PRKD3: variants seen among roughly 807,000 people sequenced by gnomAD.
The protein encoded by PRKD3 is serine/threonine-protein kinase D3.
A neutral mutation model predicts 99.2 loss-of-function variants in PRKD3; 47 were observed. That is an observed-to-expected ratio of 0.47 (90% CI 0.38 to 0.60). The LOEUF (loss-of-function observed/expected upper bound fraction) is 0.60. Among genes scored for constraint, PRKD3 ranks in the 20% least tolerant of loss-of-function variants. The pLI is 0.00. For missense variants in PRKD3, 1,019 were observed against 1,088.4 expected (o/e 0.94, Z 0.90); for synonymous variants, 392 against 355.4 (o/e 1.10, Z -1.16).
chr2:37,309,619 G>T (rs1313005390), intron 2 of PRKD3, among the ~76,000 whole-genome samples: 1 of 152,146 alleles, frequency 6.6e-6, no homozygotes, highest in East Asian at 1.9e-4. Context: ...GGAGGCCAAG[G>T]CTGGCAGATC....
Position 37,282,598 on chromosome 2 carries a change from T to A in PRKD3, c.932A>T (p.Lys311Ile). 1 of 1,601,686 alleles carries A rather than the reference T, an allele frequency of 6.2e-7. No individual in the cohort carries two copies. The highest frequency in any genetic ancestry group is 8.6e-7 in the Non-Finnish European group (1 of 1,168,792). Reference sequence around the variant, plus strand: ...TCTTGGTACTTTTGATGCACAGCGTTTATGGCAGTTGAATTTGCAATCTAA... The same window carrying A: ...TCTTGGTACTTTTGATGCACAGCGTATATGGCAGTTGAATTTGCAATCTAA... The part of the protein sequence containing the change: ...QCKDCKFNCH[K>I]RCASKVPRDC... The change falls in exon 7 of 19, where the codon AAA becomes ATA. Residue 311 changes from lysine to isoleucine, a missense_variant. This residue lies in a region of PRKD3 where 710 missense variants were observed against 692.7 expected (regional missense o/e 1.02). Transcript: ENST00000234179.
Position 37,260,296 on chromosome 2 carries a change from T to C in PRKD3, c.1973A>G (p.Asp658Gly). ...VFVVMEKLHG[D>G]MLEMILSSEK... The stretch of plus-strand genomic sequence containing the variant: ...ACTGGATAGAATCATTTCCAACATA[T>C]CTCCATGCAGCTTTTCCATTACTAC... The change falls in exon 15 of 19, where the codon GAT (aspartate) becomes GGT (glycine). Residue 658 changes from aspartate to glycine, a missense_variant. By Grantham distance (94) the Asp-to-Gly change is moderately conservative. Around this residue, in one of 3 missense-constraint regions of PRKD3, gnomAD observed 184 missense variants for 275.1 expected, o/e 0.67. Coordinates refer to ENST00000234179, the MANE Select transcript of PRKD3 (RefSeq NM_005813.6). 1 of 1,609,398 alleles carries C rather than the reference T, an allele frequency of 6.2e-7. No homozygotes were observed. The highest frequency in any genetic ancestry group is 1.1e-5 in the South Asian group (1 of 90,968).
Position 37,301,766 on chromosome 2 carries a change from T to A in PRKD3, c.289-8495A>T, listed in dbSNP as rs181209597. Among the ~76,000 whole-genome samples, 155 of 152,320 alleles carry A rather than the reference T, an allele frequency of 1.0e-3. 2 individuals carry two copies. The highest frequency in any genetic ancestry group is 9.3e-3 in the Admixed American group (143 of 15,304). On this transcript the variant is annotated intron_variant, in intron 2 of 18. Coordinates refer to ENST00000234179, the MANE Select transcript of PRKD3 (RefSeq NM_005813.6). ...TCTATTCTCCTGAGAGGGAAGAAGT[T>A]CAGAAAAGCAGCAGAGGTGATGACA...
At chr2:37,321,597 G>A (rs77180267) in intron 1 of PRKD3, among the ~76,000 whole-genome samples, 332 of 152,332 alleles carry the variant, frequency 2.2e-3, no homozygotes, top group Middle Eastern at 6.8e-3. Flanking sequence ...ACTGTTATGA[G>A]AGACACTGGA....
At chr2:37,300,869 G>A (rs907402500) in intron 2 of PRKD3, among the ~76,000 whole-genome samples, 8 of 152,126 alleles carry the variant, frequency 5.3e-5, no homozygotes, top group Non-Finnish European at 1.2e-4. Context: ...TGTAGATACT[G>A]CCAAATTGCT....
rs1218879253 is a variant in PRKD3 at position 37,293,289 on chromosome 2, T to C, written c.289-18A>G. On this transcript the variant is annotated intron_variant, in intron 2 of 18. Transcript: ENST00000234179. ...TCTGGAAACTGAGGGATAATAGTCCTATATCAGTATGACCACAGTTTTCTA... is the reference window on the plus strand; with the variant it reads ...TCTGGAAACTGAGGGATAATAGTCCCATATCAGTATGACCACAGTTTTCTA... 4.5e-6 allele frequency: 7 copies of C among 1,552,240 alleles called. No homozygotes were observed. The highest frequency in any genetic ancestry group is 2.3e-5 in the East Asian group (1 of 43,784).
intron 4 of PRKD3, 58 bp downstream of exon 4, chr2:37,290,810 A>T: frequency 6.7e-7 from 1 of 1,489,066 alleles, no homozygotes; most frequent in Non-Finnish European, 9.2e-7. Context: ...CACTGATAAT[A>T]AAAAATGCAA....
chr2:37,305,972 A>G (rs1572694459), intron 2 of PRKD3, among the ~76,000 whole-genome samples: 1 of 152,294 alleles, frequency 6.6e-6, no homozygotes, highest in East Asian at 1.9e-4. Flanking sequence ...AGGGCCTATC[A>G]TCAGTGGCAG....
Position 37,260,349 on chromosome 2 carries a change from AC to A in PRKD3, c.1919del (p.Cys640LeufsTer11). On this transcript the variant is annotated frameshift_variant, in exon 15 of 19. Coordinates refer to ENST00000234179, the MANE Select transcript of PRKD3 (RefSeq NM_005813.6). LOFTEE classifies it high-confidence loss of function. ...LHHPGIVNLE[C>X]MFETPERVFV... is the part of the protein sequence containing the mutation. ...AGACTCGTTCTGGGGTTTCAAACAT[AC>A]ATTCCAGGTTTACAATCCCAGGATG... The A allele has an allele frequency of 4.3e-6, 7 of 1,611,970 alleles. No individual in the cohort carries two copies. The highest frequency in any genetic ancestry group is 5.9e-6 in the Non-Finnish European group (7 of 1,178,116).
chr2:37,297,539 T>A (rs1670727174), intron 2 of PRKD3, among the ~76,000 whole-genome samples: 1 of 152,184 alleles, frequency 6.6e-6, no homozygotes, highest in African/African-American at 2.4e-5. Context: ...TATTTTTACC[T>A]AATACCCTTT....
chr2:37,286,040 T>G, intron 6 of PRKD3, 137 bp downstream of exon 6: 1 of 804,486 alleles, frequency 1.2e-6, no homozygotes, highest in Non-Finnish European at 1.9e-6. Flanking sequence ...ATATTTTGTT[T>G]ATATTTCTCT....
intron 14 of PRKD3, among the ~76,000 whole-genome samples, chr2:37,265,033 TTTCTC>T (rs1307468816): frequency 6.6e-6 from 1 of 152,196 alleles, no homozygotes; most frequent in Non-Finnish European, 1.5e-5. Context: ...CACCCCATCT[TTTCTC>T]TAAGTATGTG....
At chr2:37,317,685 G>A (rs1281439355) in intron 1 of PRKD3, 2 of 152,064 alleles carry the variant, frequency 1.3e-5, no homozygotes, top group East Asian at 3.8e-4. Context: ...ATTCCTTTCA[G>A]AAGGCTAAGG....
At chr2:37,289,651 C>T (rs1218369053) in intron 4 of PRKD3, 138 bp from the exon 5 acceptor site, 2 of 667,290 alleles carry the variant, frequency 3.0e-6, no homozygotes, top group Middle Eastern at 4.3e-4. Flanking sequence ...ACCCAGACAG[C>T]AGGCTAAGTG....
intron 2 of PRKD3, among the ~76,000 whole-genome samples, chr2:37,302,126 T>C (rs1670956603): frequency 6.6e-6 from 1 of 152,202 alleles, no homozygotes; most frequent in Non-Finnish European, 1.5e-5. Context: ...CATAATTCCT[T>C]ACCTGGCCTA....
chr2:37,297,948 G>A (rs1670746177), intron 2 of PRKD3, among the ~76,000 whole-genome samples: 1 of 152,138 alleles, frequency 6.6e-6, no homozygotes. Flanking sequence ...GAGCACTTAA[G>A]AAGTGGAAAG....
rs771600534 is a variant in PRKD3 at position 37,286,353 on chromosome 2, T to C, written c.734A>G (p.Glu245Gly). The C allele has an allele frequency of 6.2e-7, 1 of 1,613,920 alleles. No individual in the cohort carries two copies. Among genetic ancestry groups the C allele is most frequent in the Non-Finnish European group, 8.5e-7 (1 of 1,179,810 alleles). Residue 245 changes from glutamate to glycine, a missense_variant, in exon 6 of 19, where the codon GAA (glutamate) becomes GGA (glycine). Glu to Gly is a moderately conservative substitution (Grantham distance 98, BLOSUM62 -2). Transcript: ENST00000234179. ...LPSEESHVHQ[E>G]PSKRIPSWSG... is the part of the protein sequence containing the mutation. Reference sequence around the variant, plus strand: ...CCAAGAAGGAATTCTCTTACTTGGTTCCTGGTGGACATGTGACTATAACAT... The same window carrying C: ...CCAAGAAGGAATTCTCTTACTTGGTCCCTGGTGGACATGTGACTATAACAT...
Position 37,268,186 on chromosome 2 carries a change from C to T in PRKD3, c.1778-650G>A, listed in dbSNP as rs1668972701. 3 of 380,426 alleles carry T rather than the reference C, an allele frequency of 7.9e-6. No individual in the cohort carries two copies. The Admixed American group carries it at 1.1e-4, about 14-fold the overall frequency. The allele number at this position is 380,426 out of a possible 1,614,324, so 23.6% of individuals were successfully genotyped here. On this transcript the variant is annotated intron_variant, in intron 13 of 18. Transcript: ENST00000234179. ...TCTTCAAATATGTATCTGACTTGCT[C>T]TTCTCTACATAGCTATTTATTTTAG...
At chr2:37,282,000 G>C (rs1408918411) in intron 7 of PRKD3, among the ~76,000 whole-genome samples, 1 of 152,154 alleles carries the variant, frequency 6.6e-6, no homozygotes, top group African/African-American at 2.4e-5. Context: ...CAGTGAGGCA[G>C]TATAGTGTGT....
Sources: allele counts gnomAD v4.1 joint callset (sites outside exome capture counted in the v4.1 genomes callset), GRCh38; gene constraint gnomAD v4.1.1; regional missense constraint gnomAD v4.1.1; transcripts MANE v1.5; gene names NCBI Gene and HGNC (gene_info 2026-07-23, HGNC 2026-07-21).